COL15A1: variants seen among roughly 807,000 people sequenced by gnomAD.
The protein encoded by COL15A1 is collagen alpha-1(XV) chain.
A neutral mutation model predicts 165.9 loss-of-function variants in COL15A1; 111 were observed. The observed-to-expected ratio is 0.67, with a 90% CI of 0.57 to 0.78. COL15A1 has a LOEUF of 0.78. Among genes scored for constraint, COL15A1 ranks in the 30% least tolerant of loss-of-function variants. The pLI is 0.00. For synonymous variants in COL15A1, 659 were observed against 674.8 expected (o/e 0.98, Z 0.36); for missense variants, 1,745 against 1,789.7 (o/e 0.98, Z 0.45).
intron 6 of COL15A1, 91 bp downstream of exon 6, chr9:98,997,172 T>C: frequency 6.8e-7 from 1 of 1,461,674 alleles, no homozygotes; most frequent in Non-Finnish European, 9.4e-7. Flanking sequence ...ATACAGAATC[T>C]CATTTAACCT....
chr9:99,034,627 CCCT>C, intron 17 of COL15A1, 43 bp downstream of exon 17: 2 of 1,484,254 alleles, frequency 1.3e-6, no homozygotes, highest in Non-Finnish European at 1.8e-6. Context: ...ACTTTCTTCT[CCCT>C]CCTCCCCTTT....
chr9:98,998,877 T>A (rs1588508286), intron 6 of COL15A1, among the ~76,000 whole-genome samples: 1 of 152,200 alleles, frequency 6.6e-6, no homozygotes, highest in Non-Finnish European at 1.5e-5. Flanking sequence ...CTTCTTGATG[T>A]GTAGACAGCC....
intron 19 of COL15A1, 129 bp from the exon 20 acceptor site, chr9:99,036,041 G>T (rs751305052): frequency 9.6e-6 from 7 of 732,814 alleles, no homozygotes; most frequent in Middle Eastern, 7.8e-4. Context: ...GGCATTTTTC[G>T]CTTATTCTTG....
At chr9:98,957,026 C>T (rs1837787125) in intron 2 of COL15A1, among the ~76,000 whole-genome samples, 1 of 152,158 alleles carries the variant, frequency 6.6e-6, no homozygotes, top group African/African-American at 2.4e-5. Flanking sequence ...CACAGCCTAA[C>T]CCCCAGGACG....
At chr9:99,034,913 C>T in intron 17 of COL15A1, 101 bp from the exon 18 acceptor site, 1 of 1,077,462 alleles carries the variant, frequency 9.3e-7, no homozygotes. Context: ...ATTCATCAAC[C>T]TAATTAACTT....
At chr9:99,053,503 C>A (rs1298388280) in intron 31 of COL15A1, among the ~76,000 whole-genome samples, 2 of 152,234 alleles carry the variant, frequency 1.3e-5, no homozygotes, top group African/African-American at 4.8e-5. Context: ...ACAGATCTTT[C>A]TGGATGTGAC....
rs762118394 is a variant in COL15A1 at position 99,047,928 on chromosome 9, C to T, written c.2734-13C>T. 4.3e-6 allele frequency: 7 copies of T among 1,609,620 alleles called. No homozygotes were observed. Among genetic ancestry groups the T allele is most frequent in the Admixed American group, 3.3e-5 (2 of 59,984 alleles). ...GGCGGAGGGTTTACTGAGGTGTCTG[C>T]TGTGGGTTCCAGGGTCGCCCAGGAC... On this transcript the variant is annotated splice_polypyrimidine_tract_variant and intron_variant, in intron 27 of 41. Transcript: ENST00000375001.
At chr9:98,969,958 A>G (rs1838018955) in intron 2 of COL15A1, among the ~76,000 whole-genome samples, 1 of 152,008 alleles carries the variant, frequency 6.6e-6, no homozygotes, top group Non-Finnish European at 1.5e-5. Flanking sequence ...TCAACTGGGA[A>G]GTTTGTGCAG....
chr9:99,013,801 G>A (rs948790830), intron 9 of COL15A1, among the ~76,000 whole-genome samples: 1 of 152,182 alleles, frequency 6.6e-6, no homozygotes, highest in Non-Finnish European at 1.5e-5. Flanking sequence ...AAAGGGGCGG[G>A]TGGTGCCTTT....
At chr9:98,973,671 A>T (rs1838097917) in intron 2 of COL15A1, among the ~76,000 whole-genome samples, 1 of 152,248 alleles carries the variant, frequency 6.6e-6, no homozygotes, top group Admixed American at 6.5e-5. Context: ...GAGCTGTGAC[A>T]TTTTCCTGAG....
intron 2 of COL15A1, among the ~76,000 whole-genome samples, chr9:98,976,221 C>G (rs1346149791): frequency 6.6e-6 from 1 of 152,140 alleles, no homozygotes; most frequent in Non-Finnish European, 1.5e-5. Flanking sequence ...TTGAAAACCC[C>G]CATTGGAAAT....
intron 4 of COL15A1, among the ~76,000 whole-genome samples, chr9:98,988,866 T>G (rs1213720240): frequency 6.6e-6 from 1 of 151,946 alleles, no homozygotes; most frequent in Non-Finnish European, 1.5e-5. Flanking sequence ...GAGTTTGCAG[T>G]GAGCTGAGAT....
chr9:98,953,562 C>T (rs1319927576), intron 2 of COL15A1, among the ~76,000 whole-genome samples: 1 of 152,204 alleles, frequency 6.6e-6, no homozygotes, highest in Non-Finnish European at 1.5e-5. Flanking sequence ...CCCAACCCAA[C>T]CAAATCCAAT....
At chr9:99,067,414 A>G (rs1825913428) in intron 40 of COL15A1, among the ~76,000 whole-genome samples, 1 of 152,238 alleles carries the variant, frequency 6.6e-6, no homozygotes, top group Admixed American at 6.5e-5. Flanking sequence ...GAGGCTCAGA[A>G]GAAGAAACCA....
At chr9:99,021,671 C>T (rs1312480395) in intron 12 of COL15A1, among the ~76,000 whole-genome samples, 1 of 152,200 alleles carries the variant, frequency 6.6e-6, no homozygotes, top group Non-Finnish European at 1.5e-5. Flanking sequence ...CCCAGAGGGG[C>T]AGACTGTGAG....
intron 11 of COL15A1, among the ~76,000 whole-genome samples, chr9:99,019,271 G>T (rs983090326): frequency 2.0e-5 from 3 of 152,148 alleles, no homozygotes; most frequent in African/African-American, 7.2e-5. Flanking sequence ...TCGGCTTACT[G>T]CAACCTCCGC....
intron 21 of COL15A1, among the ~76,000 whole-genome samples, chr9:99,037,975 AC>A (rs1839332175): frequency 6.6e-6 from 1 of 152,152 alleles, no homozygotes; most frequent in Non-Finnish European, 1.5e-5. Flanking sequence ...GTGGGCTGGG[AC>A]CAGATCGCAT....
chr9:99,056,245 T>C lies in COL15A1; in HGVS notation c.3193-15T>C, dbSNP rs1254651307. ...ATGATGCTTTCTCTCTGTTATTGTG[T>C]GCTTGCCTTGACAGGGCCAAAAAGG... On this transcript the variant is annotated splice_polypyrimidine_tract_variant and intron_variant, in intron 34 of 41. Transcript: ENST00000375001. The C allele has an allele frequency of 2.5e-6, 4 of 1,613,714 alleles. No individual in the cohort carries two copies. In the East Asian group the frequency reaches 8.9e-5, roughly 36 times the overall value.
Position 99,010,166 on chromosome 9 carries a change from C to A in COL15A1, c.1353+5116C>A, listed in dbSNP as rs146861051. ...CTGTAGGTGAGGCTTTAACTGCTGT[C>A]AGTGTTTAAGATTTAGCAGGACTTG... On this transcript the variant is annotated intron_variant, in intron 9 of 41. Coordinates refer to ENST00000375001, the MANE Select transcript of COL15A1 (RefSeq NM_001855.5). 2.0e-5 allele frequency among the ~76,000 whole-genome samples: 3 copies of A among 152,296 alleles called. No individual in the cohort carries two copies. In the East Asian group the frequency reaches 5.8e-4, roughly 29 times the overall value.
Sources: allele counts gnomAD v4.1 joint callset (sites outside exome capture counted in the v4.1 genomes callset), GRCh38; gene constraint gnomAD v4.1.1; transcripts MANE v1.5; gene names NCBI Gene and HGNC (gene_info 2026-07-23, HGNC 2026-07-21).